The following DOK6 variants were observed in gnomAD, a reference collection of about 807,000 sequenced individuals.
DOK6 encodes the protein docking protein 6.
In DOK6, 22 loss-of-function variants were observed where a neutral mutation model predicts 44.0. The observed-to-expected ratio is 0.50, with a 90% confidence interval of 0.36 to 0.71. The LOEUF (loss-of-function observed/expected upper bound fraction) is 0.71, where lower values mean the gene tolerates loss of function less well. DOK6 is among the 30% of genes least tolerant of loss of function. The pLI is 0.00. For missense variants in DOK6, 340 were observed against 416.4 expected, an observed-to-expected ratio of 0.82 and a Z score of 1.60; for synonymous variants, 166 against 145.5, an observed-to-expected ratio of 1.14 and a Z score of -1.01.
intron 1 of DOK6, among the ~76,000 whole-genome samples, chr18:69,518,217 C>T (rs906754114): frequency 5.9e-5 from 9 of 152,118 alleles, no homozygotes; most frequent in African/African-American, 2.2e-4. Flanking sequence ...AAGGAATCTA[C>T]TGGTAAAATT....
At chr18:69,416,145 G>T (rs924348732) in intron 1 of DOK6, among the ~76,000 whole-genome samples, 14 of 139,992 alleles carry the variant, frequency 1.0e-4, no homozygotes, top group Admixed American at 5.8e-4. Flanking sequence ...AGGGAGGGAC[G>T]GAGGGAGGGA....
At chr18:69,442,634 A>C (rs890279846) in intron 1 of DOK6, among the ~76,000 whole-genome samples, 18 of 152,152 alleles carry the variant, frequency 1.2e-4, no homozygotes, top group Non-Finnish European at 8.8e-5. Flanking sequence ...ACAGAGACAA[A>C]CCATATTATT....
At chr18:69,403,915 T>C (rs1171955008) in intron 1 of DOK6, among the ~76,000 whole-genome samples, 1 of 152,206 alleles carries the variant, frequency 6.6e-6, no homozygotes. Flanking sequence ...AACTATGAAC[T>C]TTTCCAAATA....
intron 1 of DOK6, among the ~76,000 whole-genome samples, chr18:69,477,583 C>A (rs1980302554): frequency 6.6e-6 from 1 of 152,018 alleles, no homozygotes; most frequent in Non-Finnish European, 1.5e-5. Flanking sequence ...TCCTCCATTT[C>A]TTTATATTTG....
intron 1 of DOK6, among the ~76,000 whole-genome samples, chr18:69,450,945 G>A (rs1456394315): frequency 6.7e-5 from 10 of 148,942 alleles, no homozygotes; most frequent in East Asian, 6.0e-4. Context: ...GGTACCAGCC[G>A]CTGCAAAATC....
chr18:69,645,221 TC>T (rs1985041125), intron 3 of DOK6, among the ~76,000 whole-genome samples: 2 of 152,124 alleles, frequency 1.3e-5, no homozygotes, highest in African/African-American at 4.8e-5. Context: ...AACTGCCCCA[TC>T]CCCACAGAGA....
At chr18:69,696,981 A>G (rs995085064) in intron 4 of DOK6, among the ~76,000 whole-genome samples, 12 of 152,376 alleles carry the variant, frequency 7.9e-5, no homozygotes, top group Admixed American at 6.5e-4. Flanking sequence ...TGTGAAATCC[A>G]TACACATATT....
chr18:69,776,600 G>A (rs946706712), intron 7 of DOK6, among the ~76,000 whole-genome samples: 3 of 151,782 alleles, frequency 2.0e-5, no homozygotes, highest in Non-Finnish European at 2.9e-5. Context: ...GGTTAGATGA[G>A]GACAATACAA....
Position 69,599,454 on chromosome 18 carries a change from T to A in DOK6, c.245T>A (p.Ile82Asn). 1 of 1,613,878 alleles carries A rather than the reference T, an allele frequency of 6.2e-7. No homozygotes were observed. The highest frequency in any genetic ancestry group is 8.5e-7 in the Non-Finnish European group (1 of 1,179,932). Residue 82 changes from isoleucine to asparagine, a missense_variant, in exon 3 of 8, where the codon ATC becomes AAC. Physicochemically the swap from Ile to Asn is moderately radical, Grantham distance 149. Transcript: ENST00000382713. ...GAGACAAAGAAGCATGCGGTGGCAA[T>A]CATCTTTCACGATGAAACATCGAAG... ...PRETKKHAVA[I>N]IFHDETSKTF...
At chr18:69,748,094 C>T (rs142275591) in intron 6 of DOK6, among the ~76,000 whole-genome samples, 1 of 152,178 alleles carries the variant, frequency 6.6e-6, no homozygotes, top group Non-Finnish European at 1.5e-5. Context: ...GGTTACAATC[C>T]TGGTTTCTGA....
chr18:69,538,283 T>A (rs1982174879), intron 1 of DOK6, among the ~76,000 whole-genome samples: 1 of 152,214 alleles, frequency 6.6e-6, no homozygotes, highest in Admixed American at 6.5e-5. Flanking sequence ...GCTTGAGGTC[T>A]AAATTTTAGT....
chr18:69,785,358 T>A (rs1348470026), intron 7 of DOK6, among the ~76,000 whole-genome samples: 2 of 152,224 alleles, frequency 1.3e-5, no homozygotes, highest in African/African-American at 2.4e-5. Flanking sequence ...GAAATTCTGT[T>A]CGTCCTGTTT....
chr18:69,500,834 G>A (rs547005234), intron 1 of DOK6, among the ~76,000 whole-genome samples: 3 of 152,220 alleles, frequency 2.0e-5, no homozygotes, highest in East Asian at 1.9e-4. Flanking sequence ...TAGAGTTTGT[G>A]TAAGGTGAGT....
chr18:69,773,824 A>C (rs1333294071), intron 7 of DOK6, among the ~76,000 whole-genome samples: 1 of 151,734 alleles, frequency 6.6e-6, no homozygotes, highest in Non-Finnish European at 1.5e-5. Flanking sequence ...GGGAATGTAA[A>C]CTAATACAAC....
intron 2 of DOK6, among the ~76,000 whole-genome samples, chr18:69,575,145 T>C (rs1983209621): frequency 1.3e-5 from 2 of 151,976 alleles, no homozygotes. Flanking sequence ...TAACTGACTG[T>C]GTATAGGGGA....
At chr18:69,501,176 A>AT (rs1471567892) in intron 1 of DOK6, among the ~76,000 whole-genome samples, 7 of 152,054 alleles carry the variant, frequency 4.6e-5, no homozygotes, top group Non-Finnish European at 5.9e-5. Context: ...TTGGAACACT[A>AT]TTTTTTTAGA....
At chr18:69,633,908 A>G (rs1259898866) in intron 3 of DOK6, among the ~76,000 whole-genome samples, 2 of 152,156 alleles carry the variant, frequency 1.3e-5, no homozygotes, top group Admixed American at 1.3e-4. Flanking sequence ...TCCCTGGCTC[A>G]CCAATGGTTT....
chr18:69,765,265 G>A (rs1007752484), intron 7 of DOK6, among the ~76,000 whole-genome samples: 19 of 152,270 alleles, frequency 1.2e-4, no homozygotes, highest in African/African-American at 3.4e-4. Context: ...ATTTGCAACA[G>A]AAGTAAAATG....
At chr18:69,765,150 C>T (rs936639227) in intron 7 of DOK6, among the ~76,000 whole-genome samples, 29 of 152,176 alleles carry the variant, frequency 1.9e-4, no homozygotes, top group African/African-American at 6.8e-4. Flanking sequence ...TCTCTACTGT[C>T]CAAACTGCAT....
Sources: gnomAD v4.1 joint callset for allele counts (sites outside exome capture counted in the v4.1 genomes callset) on GRCh38, gnomAD v4.1.1 for gene constraint, MANE v1.5 for transcripts, NCBI Gene and HGNC (gene_info 2026-07-23, HGNC 2026-07-21) for gene names.